Variants in HS2ST1 observed in about 807,000 individuals in gnomAD.
HS2ST1 encodes the protein heparan sulfate 2-O-sulfotransferase 1.
HS2ST1 carries 18 observed loss-of-function variants against 42.9 expected under a neutral mutation model. The ratio of observed to expected loss-of-function variants is 0.42; its 90% CI spans 0.29 to 0.62. The LOEUF is 0.62. Ranked by LOEUF, HS2ST1 falls within the 20% of genes least tolerant of loss-of-function variation. The pLI, the probability that HS2ST1 is intolerant of heterozygous loss-of-function variation, is 0.21. For synonymous variants in HS2ST1, 146 were observed against 152.9 expected, an observed-to-expected ratio of 0.95 and a Z score of 0.33; for missense variants, 334 against 433.8, an observed-to-expected ratio of 0.77 and a Z score of 2.04.
chr1:87,100,168 TG>T, intron 5 of HS2ST1, among the ~76,000 whole-genome samples: 1 of 152,278 alleles, frequency 6.6e-6, no homozygotes. Context: ...AGTCTTTGTG[TG>T]GGGTGAGGGC....
intron 1 of HS2ST1, among the ~76,000 whole-genome samples, chr1:87,008,870 G>A (rs1458502494): frequency 1.3e-5 from 2 of 152,098 alleles, no homozygotes; most frequent in South Asian, 2.1e-4. Context: ...TCGAGACAGG[G>A]TCTCAGTCTG....
At chr1:87,035,554 G>T (rs990453394) in intron 1 of HS2ST1, among the ~76,000 whole-genome samples, 1 of 152,068 alleles carries the variant, frequency 6.6e-6, no homozygotes, top group Non-Finnish European at 1.5e-5. Flanking sequence ...CTCTTGACTT[G>T]ATTTTTCACT....
intron 1 of HS2ST1, among the ~76,000 whole-genome samples, chr1:86,944,368 T>C (rs902137100): frequency 6.6e-6 from 1 of 152,146 alleles, no homozygotes; most frequent in Admixed American, 6.5e-5. Flanking sequence ...TTCTTTTTTA[T>C]TTTTTTGAGA....
intron 5 of HS2ST1, among the ~76,000 whole-genome samples, chr1:87,101,147 G>GTTTTTTTTTTTTTTTTTTTTTTTT (rs1557546414): frequency 1.3e-5 from 1 of 75,892 alleles, no homozygotes; most frequent in Non-Finnish European, 2.5e-5. Context: ...GTGTGTGTGT[G>GTTTTTTTTTTTTTTTTTTTTTTTT]TGTTTTTTGT....
At chr1:86,937,905 C>A (rs1660689431) in intron 1 of HS2ST1, among the ~76,000 whole-genome samples, 1 of 152,080 alleles carries the variant, frequency 6.6e-6, no homozygotes, top group South Asian at 2.1e-4. Context: ...TTGTAAAAAT[C>A]ACACTTGCGC....
intron 1 of HS2ST1, among the ~76,000 whole-genome samples, chr1:87,027,965 C>T (rs144435257): frequency 1.3e-5 from 2 of 152,366 alleles, no homozygotes; most frequent in African/African-American, 4.8e-5. Flanking sequence ...GCTGGGATTA[C>T]AGGCATGAGC....
At chr1:87,019,407 G>A (rs755765920) in intron 1 of HS2ST1, among the ~76,000 whole-genome samples, 2 of 152,192 alleles carry the variant, frequency 1.3e-5, no homozygotes, top group Non-Finnish European at 2.9e-5. Context: ...GAGTTTGTAT[G>A]TTGTAGATGT....
chr1:87,044,654 A>G (rs1275315453), intron 1 of HS2ST1, among the ~76,000 whole-genome samples: 3 of 152,222 alleles, frequency 2.0e-5, no homozygotes, highest in Admixed American at 6.5e-5. Context: ...GGGTATTTAC[A>G]TTAAAAAGGC....
rs561880379 is a variant in HS2ST1, at chr1:87,080,880, C to G, written c.364-3314C>G. Among the ~76,000 whole-genome samples the G allele has an allele frequency of 3.3e-5, 5 of 152,314 alleles. No homozygotes were observed. In the South Asian group the frequency reaches 6.2e-4, roughly 19 times the overall value. ...GGTGCCCACAGAAGGAACGTTTAGA[C>G]AGCTCTAGCCAGAGGTTAATCTTCC... On this transcript the variant is annotated intron_variant, in intron 2 of 6. Coordinates refer to ENST00000370550, the MANE Select transcript of HS2ST1 (RefSeq NM_012262.4).
chr1:86,992,955 G>C (rs1649001661), intron 1 of HS2ST1: 4 of 967,778 alleles, frequency 4.1e-6, no homozygotes, highest in East Asian at 2.7e-5. Context: ...ACTTAGCAAG[G>C]CCTGTTTGTT....
intron 1 of HS2ST1, among the ~76,000 whole-genome samples, chr1:86,941,224 T>G (rs964799581): frequency 2.4e-4 from 36 of 152,328 alleles, no homozygotes; most frequent in African/African-American, 7.9e-4. Flanking sequence ...TCCCTAGTGC[T>G]GTGACACTTT....
chr1:87,004,171 A>C (rs894481972), intron 1 of HS2ST1, among the ~76,000 whole-genome samples: 3 of 152,120 alleles, frequency 2.0e-5, no homozygotes, highest in African/African-American at 7.2e-5. Flanking sequence ...TGGGCGGATC[A>C]CCTGAGGTCA....
intron 1 of HS2ST1, among the ~76,000 whole-genome samples, chr1:86,986,032 T>G (rs1648774970): frequency 7.9e-6 from 1 of 126,470 alleles, no homozygotes; most frequent in Non-Finnish European, 1.6e-5. Context: ...ACTAATGAGC[T>G]TGGCCTCTTT....
intron 1 of HS2ST1, among the ~76,000 whole-genome samples, chr1:87,035,989 C>G (rs1355714869): frequency 6.6e-6 from 1 of 151,890 alleles, no homozygotes; most frequent in Non-Finnish European, 1.5e-5. Flanking sequence ...CACCCCCTGA[C>G]AGGCCCCGAT....
At chr1:86,945,633 G>C (rs1455497404) in intron 1 of HS2ST1, among the ~76,000 whole-genome samples, 1 of 152,140 alleles carries the variant, frequency 6.6e-6, no homozygotes, top group Non-Finnish European at 1.5e-5. Flanking sequence ...TCTTGAACTT[G>C]TACTTATAGA....
intron 5 of HS2ST1, among the ~76,000 whole-genome samples, chr1:87,102,904 A>G (rs1028727147): frequency 1.3e-5 from 2 of 152,228 alleles, no homozygotes; most frequent in Admixed American, 6.5e-5. Flanking sequence ...TTTGGATCAA[A>G]TCTCTGTTAA....
chr1:86,982,616 GC>G (rs1216622366), intron 1 of HS2ST1, among the ~76,000 whole-genome samples: 4 of 152,010 alleles, frequency 2.6e-5, no homozygotes, highest in African/African-American at 9.7e-5. Flanking sequence ...CCAGGTTCAC[GC>G]CATTCTCCTG....
At position 86,949,761 on chromosome 1, in the gene HS2ST1, T is replaced by TA. The variant is rs1196024566; in HGVS notation, c.124+34602dup. 2.6e-5 allele frequency among the ~76,000 whole-genome samples: 4 copies of TA among 152,210 alleles called. No individual in the cohort carries two copies. In the East Asian group the frequency reaches 7.7e-4, roughly 29 times the overall value. On this transcript the variant is annotated intron_variant, in intron 1 of 6. Coordinates refer to ENST00000370550, the MANE Select transcript of HS2ST1 (RefSeq NM_012262.4). Reference sequence around the variant, plus strand: ...GAACATTTTCATCTTTCCAGAAACTTACATTGGACACTGTTGTTCTAAGCT... The same window carrying TA: ...GAACATTTTCATCTTTCCAGAAACTTAACATTGGACACTGTTGTTCTAAGCT...
chr1:87,012,864 G>A (rs969601288), intron 1 of HS2ST1, among the ~76,000 whole-genome samples: 2 of 152,252 alleles, frequency 1.3e-5, no homozygotes, highest in African/African-American at 4.8e-5. Flanking sequence ...CCCCATGCAA[G>A]TCCGAAATCC....
Sources: gnomAD v4.1 joint callset for allele counts (sites outside exome capture counted in the v4.1 genomes callset) on GRCh38, gnomAD v4.1.1 for gene constraint, MANE v1.5 for transcripts, NCBI Gene and HGNC (gene_info 2026-07-23, HGNC 2026-07-21) for gene names.